The following ENAH variants were observed in gnomAD, a reference collection of about 807,000 sequenced individuals.
ENAH encodes the protein protein enabled homolog.
A neutral mutation model predicts 78.7 loss-of-function variants in ENAH; 23 were observed. The observed-to-expected ratio is 0.29, with a 90% CI of 0.21 to 0.41. The LOEUF is 0.41. Ranked by LOEUF, ENAH falls within the 10% of genes least tolerant of loss-of-function variation. ENAH has a pLI of 1.00. For synonymous variants in ENAH, 226 were observed against 241.0 expected, an observed-to-expected ratio of 0.94 and a Z score of 0.58; for missense variants, 544 against 691.0, an observed-to-expected ratio of 0.79 and a Z score of 2.39.
At chr1:225,520,747 T>C (rs2096460315) in intron 4 of ENAH, among the ~76,000 whole-genome samples, 1 of 152,080 alleles carries the variant, frequency 6.6e-6, no homozygotes. Flanking sequence ...TCCCAGCTAC[T>C]TGGGAGGCTG....
intron 3 of ENAH, among the ~76,000 whole-genome samples, chr1:225,549,303 G>A (rs1008077887): frequency 6.6e-6 from 1 of 152,152 alleles, no homozygotes; most frequent in Admixed American, 6.5e-5. Flanking sequence ...ATAAAGAACC[G>A]CAAATGGAGT....
chr1:225,568,880 T>C (rs925308901), intron 1 of ENAH, among the ~76,000 whole-genome samples: 7 of 152,246 alleles, frequency 4.6e-5, no homozygotes, highest in Admixed American at 1.3e-4. Flanking sequence ...TAATTTTCCA[T>C]TAGAAAAATG....
intron 1 of ENAH, among the ~76,000 whole-genome samples, chr1:225,624,593 C>T (rs1406199297): frequency 6.6e-6 from 1 of 151,960 alleles, no homozygotes; most frequent in Non-Finnish European, 1.5e-5. Flanking sequence ...CACTGCATTC[C>T]AACCTGGGCG....
intron 4 of ENAH, among the ~76,000 whole-genome samples, chr1:225,525,570 G>A (rs550615478): frequency 6.6e-6 from 1 of 152,116 alleles, no homozygotes; most frequent in African/African-American, 2.4e-5. Flanking sequence ...CCCCCAACCG[G>A]ATGGGCTATT....
chr1:225,595,206 A>G (rs936099065), intron 1 of ENAH, among the ~76,000 whole-genome samples: 2 of 151,980 alleles, frequency 1.3e-5, no homozygotes, highest in Non-Finnish European at 2.9e-5. Flanking sequence ...GGTGGCACGC[A>G]CCTGTGATCC....
At position 225,621,974 on chromosome 1, in the gene ENAH, A is replaced by C. The variant is rs867979705; in HGVS notation, c.5+30712T>G. On this transcript the variant is annotated intron_variant, in intron 1 of 13. Transcript: ENST00000366843. ...CTCTTCGTATCTCTCACTTCAAAAG[A>C]AGCTGAAAATGTTTCTACTTCTAAC... Among the ~76,000 whole-genome samples, 12 of 152,248 alleles carry C rather than the reference A, an allele frequency of 7.9e-5. No homozygotes were observed. The Middle Eastern group carries it at 0.01, about 129-fold the overall frequency.
intron 6 of ENAH, among the ~76,000 whole-genome samples, chr1:225,516,486 T>A (rs1408867966): frequency 6.6e-6 from 1 of 152,078 alleles, no homozygotes; most frequent in Non-Finnish European, 1.5e-5. Context: ...ACTAAATATA[T>A]CTCTCTAAGT....
chr1:225,639,729 CACACACACACACACAA>C (rs1469523378), intron 1 of ENAH, among the ~76,000 whole-genome samples: 46 of 149,210 alleles, frequency 3.1e-4, no homozygotes, highest in African/African-American at 1.1e-3. Flanking sequence ...CACACACACA[CACACACACACACACAA>C]GAAGGATGGT....
chr1:225,587,362 T>C (rs1158195456), intron 1 of ENAH, among the ~76,000 whole-genome samples: 1 of 152,200 alleles, frequency 6.6e-6, no homozygotes, highest in Admixed American at 6.5e-5. Context: ...AAAAATCAGT[T>C]GCATTTTTTA....
chr1:225,578,702 C>T (rs528279846), intron 1 of ENAH, among the ~76,000 whole-genome samples: 2 of 152,286 alleles, frequency 1.3e-5, no homozygotes, highest in Admixed American at 1.3e-4. Flanking sequence ...CCAACAGTTT[C>T]AGAAGAATGC....
intron 1 of ENAH, among the ~76,000 whole-genome samples, chr1:225,601,729 C>A (rs2096932229): frequency 6.6e-6 from 1 of 151,284 alleles, no homozygotes; most frequent in Non-Finnish European, 1.5e-5. Flanking sequence ...TGATATAATA[C>A]AATGAACTCA....
intron 1 of ENAH, among the ~76,000 whole-genome samples, chr1:225,606,323 G>A (rs1027264597): frequency 2.0e-5 from 3 of 152,028 alleles, no homozygotes; most frequent in Admixed American, 1.3e-4. Context: ...TTAGCCATGC[G>A]TGGTGGCAGG....
chr1:225,531,211 A>C (rs2096535691), intron 3 of ENAH, among the ~76,000 whole-genome samples: 2 of 152,068 alleles, frequency 1.3e-5, no homozygotes, highest in East Asian at 3.9e-4. Flanking sequence ...CATTTGCTAA[A>C]CTTCCATATA....
intron 5 of ENAH, chr1:225,517,562 C>G: frequency 6.4e-7 from 1 of 1,551,234 alleles, no homozygotes; most frequent in Non-Finnish European, 8.7e-7. Context: ...ACAGGGAGGA[C>G]AGGCCTTGGA....
intron 1 of ENAH, among the ~76,000 whole-genome samples, chr1:225,593,553 G>A (rs1002229362): frequency 3.3e-5 from 5 of 152,054 alleles, no homozygotes; most frequent in Non-Finnish European, 5.9e-5. Context: ...GCAGTGTCAC[G>A]CAGTTGACAC....
At chr1:225,501,188 C>A (rs2096280382) in intron 11 of ENAH, 118 bp from the exon 12 acceptor site, 1 of 697,002 alleles carries the variant, frequency 1.4e-6, no homozygotes, top group Non-Finnish European at 2.3e-6. Flanking sequence ...TTAAAAAAGC[C>A]ATTTTCTTAA....
intron 1 of ENAH, among the ~76,000 whole-genome samples, chr1:225,644,683 A>G (rs1191586633): frequency 1.3e-5 from 2 of 152,172 alleles, no homozygotes; most frequent in Non-Finnish European, 2.9e-5. Context: ...GATACCAAAA[A>G]GGACAGAAGA....
chr1:225,641,469 TAAAAAAAAA>T (rs76444455), intron 1 of ENAH, among the ~76,000 whole-genome samples: 1,080 of 52,290 alleles, frequency 0.021, 25 homozygotes, highest in Middle Eastern at 0.075. Context: ...ACTCCATCTC[TAAAAAAAAA>T]AAAAAAAAAA....
At chr1:225,574,332 G>A (rs2096777259) in intron 1 of ENAH, among the ~76,000 whole-genome samples, 1 of 152,162 alleles carries the variant, frequency 6.6e-6, no homozygotes, top group Admixed American at 6.5e-5. Flanking sequence ...CAGGCGCGGT[G>A]GCTCACACCT....
Sources: gnomAD v4.1 joint callset for allele counts (sites outside exome capture counted in the v4.1 genomes callset) on GRCh38, gnomAD v4.1.1 for gene constraint, MANE v1.5 for transcripts, NCBI Gene and HGNC (gene_info 2026-07-23, HGNC 2026-07-21) for gene names.